Variants in ARL15 observed in about 807,000 individuals in gnomAD.
The protein encoded by ARL15 is ARF like GTPase 15.
Under a neutral mutation model 25.2 loss-of-function variants are expected in ARL15, and 19 were observed. The observed-to-expected ratio is 0.75, with a 90% CI of 0.53 to 1.10. The LOEUF is 1.10. Among genes scored for constraint, ARL15 ranks in the 50% least tolerant of loss-of-function variants. ARL15 has a pLI of 0.00. For missense variants in ARL15, 220 were observed against 246.0 expected (o/e 0.89, Z 0.71); for synonymous variants, 94 against 86.8 (o/e 1.08, Z -0.46).
At chr5:54,263,095 T>C (rs1347464289) in intron 1 of ARL15, among the ~76,000 whole-genome samples, 1 of 152,142 alleles carries the variant, frequency 6.6e-6, no homozygotes, top group Non-Finnish European at 1.5e-5. Flanking sequence ...TGTGGCATGG[T>C]ACAATATTTT....
intron 1 of ARL15, among the ~76,000 whole-genome samples, chr5:54,239,193 T>C (rs1402776885): frequency 2.0e-5 from 3 of 151,716 alleles, no homozygotes; most frequent in Admixed American, 1.3e-4. Context: ...TTGACTTATC[T>C]TTGGGCAATG....
chr5:54,200,037 T>G (rs1755667771), intron 1 of ARL15, among the ~76,000 whole-genome samples: 1 of 149,834 alleles, frequency 6.7e-6, no homozygotes, highest in Admixed American at 6.8e-5. Context: ...AGTAAACTAT[T>G]CCAAGAACAA....
At chr5:54,014,596 C>A (rs967390717) in intron 4 of ARL15, among the ~76,000 whole-genome samples, 13 of 151,842 alleles carry the variant, frequency 8.6e-5, no homozygotes, top group African/African-American at 3.1e-4. Context: ...TCTCAGCTCA[C>A]TGCAATCTCC....
At chr5:54,161,347 GCTTT>G (rs1157918654) in intron 2 of ARL15, among the ~76,000 whole-genome samples, 8 of 152,138 alleles carry the variant, frequency 5.3e-5, no homozygotes, top group African/African-American at 1.9e-4. Flanking sequence ...ATGAACAACT[GCTTT>G]CTAAGAAAAA....
chr5:54,043,777 C>T (rs375062008), intron 4 of ARL15, among the ~76,000 whole-genome samples: 1 of 151,116 alleles, frequency 6.6e-6, no homozygotes, highest in Non-Finnish European at 1.5e-5. Context: ...AACTTGGAAA[C>T]ATTAAAATAA....
intron 1 of ARL15, among the ~76,000 whole-genome samples, chr5:54,291,444 A>C (rs1758316981): frequency 6.6e-6 from 1 of 152,248 alleles, no homozygotes; most frequent in Non-Finnish European, 1.5e-5. Flanking sequence ...TTGTGTAATT[A>C]TTAGACTGTA....
In ARL15 at chr5:54,081,127, G is replaced by T. The variant is rs190306974; in HGVS notation, c.462+32075C>A. ...TGTTAGGACTTCAACATATGAACTG[G>T]GGGAAGGGCACAAGTTGGTCCATAA... is the stretch of plus-strand genomic sequence containing the variant. On this transcript the variant is annotated intron_variant, in intron 4 of 4. Coordinates refer to ENST00000504924, the MANE Select transcript of ARL15 (RefSeq NM_019087.3). 1.7e-4 allele frequency among the ~76,000 whole-genome samples: 26 copies of T among 152,182 alleles called. No homozygotes were observed. In the East Asian group the frequency reaches 4.6e-3, roughly 27 times the overall value.
chr5:53,946,211 T>A (rs1283353111), intron 4 of ARL15, among the ~76,000 whole-genome samples: 1 of 152,124 alleles, frequency 6.6e-6, no homozygotes, highest in Non-Finnish European at 1.5e-5. Flanking sequence ...TCTAGCACTT[T>A]GGGAGGCCAA....
intron 1 of ARL15, among the ~76,000 whole-genome samples, chr5:54,253,689 C>G (rs1272206527): frequency 6.6e-6 from 1 of 151,966 alleles, no homozygotes; most frequent in Non-Finnish European, 1.5e-5. Flanking sequence ...CCTCGGAGCT[C>G]AGGTGATCCT....
chr5:53,898,903 C>T (rs1014616711), intron 4 of ARL15, among the ~76,000 whole-genome samples: 1 of 152,156 alleles, frequency 6.6e-6, no homozygotes, highest in African/African-American at 2.4e-5. Flanking sequence ...ATCCTCCTCT[C>T]TTGGCCTACC....
intron 4 of ARL15, among the ~76,000 whole-genome samples, chr5:54,108,141 T>A (rs928604095): frequency 6.6e-6 from 1 of 152,204 alleles, no homozygotes; most frequent in Non-Finnish European, 1.5e-5. Context: ...TTATACCTAA[T>A]GAAATGATTG....
chr5:53,904,032 C>T (rs1745159176), intron 4 of ARL15, among the ~76,000 whole-genome samples: 1 of 152,048 alleles, frequency 6.6e-6, no homozygotes, highest in African/African-American at 2.4e-5. Flanking sequence ...TATAACTGAT[C>T]TAAAGGAGGG....
intron 2 of ARL15, among the ~76,000 whole-genome samples, chr5:54,162,675 CT>C (rs1210073895): frequency 2.6e-5 from 4 of 152,148 alleles, no homozygotes. Context: ...CTATCTGCTT[CT>C]ATTCTTATGG....
At chr5:54,246,837 C>T (rs1402073755) in intron 1 of ARL15, among the ~76,000 whole-genome samples, 1 of 114,638 alleles carries the variant, frequency 8.7e-6, no homozygotes, top group Non-Finnish European at 2.0e-5. Context: ...CACACACACA[C>T]ACACACACAG....
chr5:54,114,542 G>A (rs1157240920), intron 3 of ARL15, among the ~76,000 whole-genome samples: 1 of 151,922 alleles, frequency 6.6e-6, no homozygotes, highest in Non-Finnish European at 1.5e-5. Flanking sequence ...GAAAATTGAG[G>A]GAATGAGGGA....
intron 1 of ARL15, among the ~76,000 whole-genome samples, chr5:54,223,251 A>G (rs1466751188): frequency 1.3e-5 from 2 of 152,100 alleles, no homozygotes; most frequent in East Asian, 1.9e-4. Context: ...TAAAATTTAC[A>G]TCATGTAAAA....
chr5:53,972,338 C>A (rs1747781405), intron 4 of ARL15, among the ~76,000 whole-genome samples: 1 of 152,108 alleles, frequency 6.6e-6, no homozygotes, highest in Non-Finnish European at 1.5e-5. Context: ...ATTTTCAATA[C>A]CACAATTATT....
intron 4 of ARL15, among the ~76,000 whole-genome samples, chr5:54,061,767 T>A (rs1751069268): frequency 1.3e-5 from 2 of 152,072 alleles, no homozygotes; most frequent in Non-Finnish European, 2.9e-5. Context: ...AAATGTGGGC[T>A]TGGAGTCCCC....
At chr5:54,001,477 T>C (rs1175653777) in intron 4 of ARL15, among the ~76,000 whole-genome samples, 1 of 152,200 alleles carries the variant, frequency 6.6e-6, no homozygotes, top group East Asian at 1.9e-4. Context: ...CAGAACATTA[T>C]AAAGTATCAA....
Sources: allele counts gnomAD v4.1 joint callset (sites outside exome capture counted in the v4.1 genomes callset), GRCh38; gene constraint gnomAD v4.1.1; transcripts MANE v1.5; gene names NCBI Gene and HGNC (gene_info 2026-07-23, HGNC 2026-07-21).